QNG1: variants seen among roughly 807,000 people sequenced by gnomAD.
The protein encoded by QNG1 is Q-nucleotide N-glycosylase 1.
chr9:83,956,739 T>G, the QNG1 span: 2 of 410,984 alleles, frequency 4.9e-6, no homozygotes, highest in Non-Finnish European at 8.6e-6. Flanking sequence ...CCGCAAGCAC[T>G]TCCGGGAAAG....
chr9:83,948,892 C>T, the QNG1 span, among the ~76,000 whole-genome samples: 1 of 152,028 alleles, frequency 6.6e-6, no homozygotes, highest in Non-Finnish European at 1.5e-5. Context: ...TGCTTGAAGG[C>T]AGCATGCTCC....
chr9:83,943,975 C>T, the QNG1 span, among the ~76,000 whole-genome samples: 8 of 151,924 alleles, frequency 5.3e-5, no homozygotes, highest in Non-Finnish European at 7.4e-5. Context: ...GAGCCAATAT[C>T]GCACCACTGC....
chr9:83,954,207 A>G, the QNG1 span, among the ~76,000 whole-genome samples: 4 of 152,142 alleles, frequency 2.6e-5, no homozygotes, highest in South Asian at 8.3e-4. Flanking sequence ...AATACTTTTT[A>G]TTAGGGAGAG....
At chr9:83,951,797 T>C in the QNG1 span, among the ~76,000 whole-genome samples, 4 of 152,074 alleles carry the variant, frequency 2.6e-5, no homozygotes, top group Non-Finnish European at 5.9e-5. Context: ...AGGGTGGTGT[T>C]TTGGAAATAT....
At chr9:83,949,996 G>A in the QNG1 span, among the ~76,000 whole-genome samples, 1 of 149,426 alleles carries the variant, frequency 6.7e-6, no homozygotes, top group Admixed American at 6.7e-5. Flanking sequence ...AGAACAAAAA[G>A]ATTTAAGGGA....
At chr9:83,940,802 C>A in the QNG1 span, among the ~76,000 whole-genome samples, 1 of 152,214 alleles carries the variant, frequency 6.6e-6, no homozygotes, top group Admixed American at 6.5e-5. Flanking sequence ...CACAAAGTCT[C>A]ACAGTACCCA....
chr9:83,948,616 G>A, the QNG1 span, among the ~76,000 whole-genome samples: 1 of 152,216 alleles, frequency 6.6e-6, no homozygotes, highest in Non-Finnish European at 1.5e-5. Context: ...CATTGAGAGC[G>A]GGCCATGATG....
At chr9:83,948,210 G>A in the QNG1 span, among the ~76,000 whole-genome samples, 10 of 150,884 alleles carry the variant, frequency 6.6e-5, no homozygotes, top group East Asian at 8.0e-4. Context: ...CCGCCACCCC[G>A]TCTGGGAGGT....
the QNG1 span, among the ~76,000 whole-genome samples, chr9:83,943,906 A>G: frequency 2.0e-4 from 30 of 152,288 alleles, no homozygotes; most frequent in South Asian, 3.1e-3. Context: ...CTGTAGTCCC[A>G]GCTACTCGGG....
chr9:83,955,741 G>GT, the QNG1 span: 1 of 1,086,020 alleles, frequency 9.2e-7, no homozygotes, highest in East Asian at 2.4e-5. Flanking sequence ...CAAATGAGTG[G>GT]TATAGGAATG....
the QNG1 span, among the ~76,000 whole-genome samples, chr9:83,948,495 C>T: frequency 6.7e-6 from 1 of 149,252 alleles, no homozygotes; most frequent in Non-Finnish European, 1.5e-5. Context: ...CTCCGCCCGG[C>T]CACCGCCCTG....
At chr9:83,939,719 C>G in the QNG1 span, 30 of 1,614,124 alleles carry the variant, frequency 1.9e-5, no homozygotes, top group South Asian at 3.1e-4. Flanking sequence ...CACCTCTTGC[C>G]TGTCTCCATA....
chr9:83,955,744 T>C, the QNG1 span: 8 of 1,075,158 alleles, frequency 7.4e-6, no homozygotes, highest in South Asian at 1.5e-5. Context: ...ATGAGTGGTA[T>C]AGGAATGCAC....
the QNG1 span, among the ~76,000 whole-genome samples, chr9:83,943,190 A>C: frequency 6.6e-6 from 1 of 152,078 alleles, no homozygotes; most frequent in Non-Finnish European, 1.5e-5. Flanking sequence ...AAATACAAAA[A>C]TTAGCCAGGC....
At chr9:83,947,952 G>T in the QNG1 span, among the ~76,000 whole-genome samples, 1 of 151,998 alleles carries the variant, frequency 6.6e-6, no homozygotes, top group East Asian at 1.9e-4. Context: ...GGGAAGTGAG[G>T]AGCGTCTCTG....
At chr9:83,956,673 G>A in the QNG1 span, 6 of 516,894 alleles carry the variant, frequency 1.2e-5, no homozygotes, top group Admixed American at 1.1e-4. Flanking sequence ...TCTCTCCCGC[G>A]GCGTTGCCCT....
chr9:83,941,113 G>A, the QNG1 span, among the ~76,000 whole-genome samples: 1 of 152,198 alleles, frequency 6.6e-6, no homozygotes, highest in African/African-American at 2.4e-5. Context: ...GCTCCACTTG[G>A]CGGCTGGACT....
At chr9:83,944,963 T>G in the QNG1 span, 1 of 1,605,780 alleles carries the variant, frequency 6.2e-7, no homozygotes, top group Non-Finnish European at 8.5e-7. Flanking sequence ...GGATTTGGGC[T>G]CGTTTGTAAA....
the QNG1 span, among the ~76,000 whole-genome samples, chr9:83,952,142 G>A: frequency 2.0e-5 from 3 of 151,728 alleles, no homozygotes; most frequent in African/African-American, 2.4e-5. Flanking sequence ...ATGCCACCAC[G>A]CCTGGCTAGT....
Sources: allele counts gnomAD v4.1 joint callset (sites outside exome capture counted in the v4.1 genomes callset), GRCh38; gene constraint gnomAD v4.1.1; transcripts MANE v1.5; gene names NCBI Gene and HGNC (gene_info 2026-07-23, HGNC 2026-07-21).